Variants in SFI1 observed in about 807,000 individuals in gnomAD.
The protein encoded by SFI1 is SFI1 centrin binding protein, also known as protein SFI1 homolog.
In SFI1, 195 loss-of-function variants were observed where a neutral mutation model predicts 207.5. That is an observed-to-expected ratio of 0.94 (90% confidence interval 0.84 to 1.06). The LOEUF (loss-of-function observed/expected upper bound fraction) is 1.06, where lower values mean the gene tolerates loss of function less well. Among genes scored for constraint, SFI1 ranks in the 50% least tolerant of loss-of-function variants. SFI1 has a pLI of 0.00. For synonymous variants in SFI1, 630 were observed against 598.9 expected, an observed-to-expected ratio of 1.05 and a Z score of -0.76; for missense variants, 1,634 against 1,588.0, an observed-to-expected ratio of 1.03 and a Z score of -0.49.
At chr22:31,575,097 T>C (rs2063342006) in intron 9 of SFI1, 134 bp from the exon 10 acceptor site, 11 of 282,084 alleles carry the variant, frequency 3.9e-5, no homozygotes, top group South Asian at 2.1e-4. Context: ...TGTGTGTGTG[T>C]GTGTGTGTGT....
At position 31,612,107 on chromosome 22, in the gene SFI1, A is replaced by G. The variant is rs933818215; in HGVS notation, c.2490+267A>G. 22 of 1,127,638 alleles carry G rather than the reference A, an allele frequency of 2.0e-5. No individual in the cohort carries two copies. In the East Asian group the frequency reaches 1.3e-3, roughly 69 times the overall value. The allele number at this position is 1,127,638 out of a possible 1,614,324, so 69.9% of individuals were successfully genotyped here. ...AAATACATCAGTGGAGGCCGGGCGCAGTGGCTCACGCCTGTAATCCCAGCA... is the reference window on the plus strand; with the variant it reads ...AAATACATCAGTGGAGGCCGGGCGCGGTGGCTCACGCCTGTAATCCCAGCA... On this transcript the variant is annotated intron_variant, in intron 24 of 32. Transcript: ENST00000400288.
intron 2 of SFI1, among the ~76,000 whole-genome samples, chr22:31,526,630 A>G (rs933851686): frequency 6.6e-6 from 1 of 151,170 alleles, no homozygotes; most frequent in Non-Finnish European, 1.5e-5. Context: ...CATTCAGTTC[A>G]CTGCAGCCTC....
intron 16 of SFI1, 100 bp downstream of exon 16, chr22:31,602,393 T>C: frequency 8.0e-7 from 1 of 1,251,516 alleles, no homozygotes; most frequent in Non-Finnish European, 1.1e-6. Flanking sequence ...CGGACCTCAC[T>C]GGAGGGCCCC....
chr22:31,613,813 C>G lies in SFI1; in HGVS notation c.2954C>G (p.Ala985Gly). The G allele has an allele frequency of 1.2e-6, 2 of 1,610,302 alleles. No individual in the cohort carries two copies. The highest frequency in any genetic ancestry group is 1.1e-5 in the South Asian group (1 of 90,648). The change falls in exon 27 of 33, where the codon GCT (alanine) becomes GGT (glycine). Residue 985 changes from alanine to glycine, a missense_variant. By Grantham distance (60) the Ala-to-Gly change is moderately conservative (BLOSUM62 0). Transcript: ENST00000400288. ...KRPQASRPLG[A>G]LGRLAAEEPH... ...CCACAGGCTTCTCGGCCTCTGGGAG[C>G]TCTGGGCCGCCTGGCTGCTGAGGAG...
At chr22:31,549,622 C>T (rs1437512117) in intron 5 of SFI1, among the ~76,000 whole-genome samples, 1 of 151,972 alleles carries the variant, frequency 6.6e-6, no homozygotes, top group Non-Finnish European at 1.5e-5. Context: ...GCCTCAGCCT[C>T]CCAGAGTGCT....
At chr22:31,501,936 A>G (rs555487746) in intron 1 of SFI1, among the ~76,000 whole-genome samples, 6 of 152,106 alleles carry the variant, frequency 3.9e-5, no homozygotes, top group Non-Finnish European at 7.3e-5. Flanking sequence ...TGACATGTCT[A>G]AATGATCCTA....
At chr22:31,575,765 G>A (rs1380485489) in intron 10 of SFI1, among the ~76,000 whole-genome samples, 1 of 152,056 alleles carries the variant, frequency 6.6e-6, no homozygotes, top group Non-Finnish European at 1.5e-5. Context: ...TACCCACTAG[G>A]TGGTGGAAAT....
chr22:31,570,311 C>T (rs138091439), intron 8 of SFI1, among the ~76,000 whole-genome samples: 10 of 152,172 alleles, frequency 6.6e-5, no homozygotes, highest in East Asian at 5.8e-4. Context: ...GGATGAGATA[C>T]GAAGTTTTAG....
rs2061236444 is a variant in SFI1 at position 31,557,000 on chromosome 22, T to C, written c.603T>C (p.Arg201=). 1.9e-6 allele frequency: 3 copies of C among 1,612,528 alleles called. No individual in the cohort carries two copies. Among genetic ancestry groups the C allele is most frequent in the African/African-American group, 1.3e-5 (1 of 74,902 alleles). Residue 201 remains arginine, a synonymous_variant, in exon 7 of 33, where the codon CGT becomes CGC. Transcript: ENST00000400288. ...CCTGGTTGATCTACGTGGTTGTTCG[T>C]AGGACCAAACTTCAGATGCAGACTA... ...WKSWLIYVVV[R]RTKLQMQTTA...
intron 22 of SFI1, among the ~76,000 whole-genome samples, chr22:31,609,041 A>G (rs1282531424): frequency 6.6e-6 from 1 of 151,850 alleles, no homozygotes; most frequent in Non-Finnish European, 1.5e-5. Flanking sequence ...TCTGTCTCCC[A>G]GGCTGGAGTG....
At chr22:31,586,073 TG>T (rs2064995136) in intron 14 of SFI1, among the ~76,000 whole-genome samples, 1 of 152,160 alleles carries the variant, frequency 6.6e-6, no homozygotes, top group African/African-American at 2.4e-5. Context: ...AGCTGGTCCC[TG>T]TCTGTTTCTC....
Position 31,510,258 on chromosome 22 carries a change from G to A in SFI1, c.92+1882G>A, listed in dbSNP as rs559461389. Among the ~76,000 whole-genome samples the A allele has an allele frequency of 1.6e-4, 25 of 151,992 alleles. No homozygotes were observed. The South Asian group carries it at 4.4e-3, about 26-fold the overall frequency. On this transcript the variant is annotated intron_variant, in intron 2 of 32. Coordinates refer to ENST00000400288, the MANE Select transcript of SFI1 (RefSeq NM_001007467.3). Reference sequence around the variant, plus strand: ...TGCCTGGGCTGGAGTACAGTGGCACGATCACAGCTCAGTGCAGTTTCTAAC... The same window carrying A: ...TGCCTGGGCTGGAGTACAGTGGCACAATCACAGCTCAGTGCAGTTTCTAAC...
chr22:31,506,879 A>G (rs2054721057), intron 1 of SFI1, among the ~76,000 whole-genome samples: 1 of 152,192 alleles, frequency 6.6e-6, no homozygotes, highest in Non-Finnish European at 1.5e-5. Flanking sequence ...CAAATGGAAA[A>G]ACATTCCATG....
chr22:31,598,716 C>CTTTTT (rs71184513), intron 15 of SFI1, among the ~76,000 whole-genome samples: 1,522 of 26,846 alleles, frequency 0.057, 429 homozygotes, highest in Middle Eastern at 0.12. Context: ...TGCGCCTGGC[C>CTTTTT]TTTTTTTTTT....
intron 1 of SFI1, among the ~76,000 whole-genome samples, chr22:31,498,592 A>G (rs1334486030): frequency 6.6e-6 from 1 of 151,528 alleles, no homozygotes; most frequent in Non-Finnish European, 1.5e-5. Context: ...CAGAGGTTGC[A>G]GTGAGCCAAG....
At chr22:31,575,498 C>A in intron 10 of SFI1, 106 bp downstream of exon 10, 2 of 1,179,100 alleles carry the variant, frequency 1.7e-6, no homozygotes, top group Non-Finnish European at 1.1e-6. Flanking sequence ...AATTGCCAAA[C>A]GATTCAAAAC....
intron 21 of SFI1, 73 bp from the exon 22 acceptor site, chr22:31,607,864 C>T (rs998917215): frequency 5.3e-5 from 73 of 1,385,230 alleles, no homozygotes; most frequent in East Asian, 1.6e-4. Context: ...CAGGAGCCAC[C>T]GTCACAGACC....
chr22:31,613,568 G>A lies in SFI1; in HGVS notation c.2743-34G>A, dbSNP rs779792257. ...CCCCTTCCTGTGGGGAGCAGGCAGG[G>A]TGTGGCATGAGCTGACCAGAGGCTG... On this transcript the variant is annotated intron_variant, in intron 26 of 32. Transcript: ENST00000400288. 27 of 1,578,722 alleles carry A rather than the reference G, an allele frequency of 1.7e-5. No homozygotes were observed. In the East Asian group the frequency reaches 5.9e-4, roughly 34 times the overall value.
chr22:31,523,894 G>A (rs1434928878), intron 2 of SFI1, among the ~76,000 whole-genome samples: 1 of 150,950 alleles, frequency 6.6e-6, no homozygotes, highest in Non-Finnish European at 1.5e-5. Flanking sequence ...TTAAGCAAGT[G>A]ATTTTTGTAT....
Sources: allele counts gnomAD v4.1 joint callset (sites outside exome capture counted in the v4.1 genomes callset), GRCh38; gene constraint gnomAD v4.1.1; transcripts MANE v1.5; gene names NCBI Gene and HGNC (gene_info 2026-07-23, HGNC 2026-07-21).